The following PRPF40B variants were observed in gnomAD, a reference collection of about 807,000 sequenced individuals.
PRPF40B encodes pre-mRNA-processing factor 40 homolog B.
A neutral mutation model predicts 124.5 loss-of-function variants in PRPF40B; 56 were observed. That is an observed-to-expected ratio of 0.45 (90% CI 0.36 to 0.56). PRPF40B has a LOEUF of 0.56. Ranked by LOEUF, PRPF40B falls within the 20% of genes least tolerant of loss-of-function variation. The pLI is 0.00. For missense variants in PRPF40B, 1,053 were observed against 1,169.5 expected (o/e 0.90, Z 1.45); for synonymous variants, 443 against 426.4 (o/e 1.04, Z -0.48).
In PRPF40B at chr12:49,643,965, C is replaced by T. The variant is rs139757720; in HGVS notation, c.2547C>T (p.Leu849=). The change falls in exon 25 of 26, where the codon CTC becomes CTT. Residue 849 remains leucine (L), a synonymous_variant. Coordinates refer to ENST00000548825, the MANE Select transcript of PRPF40B (RefSeq NM_001031698.3). ...ACAGGGAGCTCCAACAGGCAGAGCT[C>T]CCTAACCGTTCCCCAGGCTTTGGAA... ...DKDRELQQAE[L]PNRSPGFGIK... 1.7e-3 allele frequency: 2,779 copies of T among 1,614,146 alleles called. 1 individual carries two copies. The highest frequency in any genetic ancestry group is 2.2e-3 in the Non-Finnish European group (2,655 of 1,180,030).
rs773377400 is a variant in PRPF40B at position 49,643,415 on chromosome 12, G to A, written c.2380+18G>A. The A allele has an allele frequency of 6.5e-7, 1 of 1,536,482 alleles. No individual in the cohort carries two copies. Among genetic ancestry groups the A allele is most frequent in the Non-Finnish European group, 8.7e-7 (1 of 1,144,370 alleles). ...TGGAGCAGGTAAGCAGTTGCTGTGA[G>A]CGTAGAAGCTGGAGAACTGTTGTCC... On this transcript the variant is annotated intron_variant, in intron 23 of 25. Coordinates refer to ENST00000548825, the MANE Select transcript of PRPF40B (RefSeq NM_001031698.3).
At position 49,642,753 on chromosome 12, in the gene PRPF40B, TCCCTCTTA is replaced by T. The variant is rs2138656516; in HGVS notation, c.2118+83_2118+90del. On this transcript the variant is annotated intron_variant, in intron 21 of 25. Coordinates refer to ENST00000548825, the MANE Select transcript of PRPF40B (RefSeq NM_001031698.3). The surrounding 1 kb of genome is among the most constrained non-coding windows in gnomAD (Gnocchi z 5.8). ...CAGTTCAACAGAGACCTCAGTGGCC[TCCCTCTTA>T]CCCTTAGGGCACTCCTGGCCAGCTA... The T allele has an allele frequency of 1.3e-6, 2 of 1,508,020 alleles. No homozygotes were observed. Among genetic ancestry groups the T allele is most frequent in the South Asian group, 2.4e-5 (2 of 84,102 alleles). The allele number at this position is 1,508,020 out of a possible 1,614,324, so 93.4% of individuals were successfully genotyped here.
intron 1 of PRPF40B, chr12:49,623,904 A>C: frequency 1.8e-6 from 2 of 1,140,166 alleles, no homozygotes; most frequent in East Asian, 4.3e-5. Context: ...AAGAAGAGAG[A>C]GGGCGGAGAT....
chr12:49,634,726 T>C, intron 12 of PRPF40B, 124 bp downstream of exon 12: 1 of 1,267,934 alleles, frequency 7.9e-7, no homozygotes, highest in Non-Finnish European at 1.1e-6. Flanking sequence ...ATAGATTGGG[T>C]TGGGGTGCAA....
Position 49,635,008 on chromosome 12 carries a change from C to A in PRPF40B, c.1002-91C>A, listed in dbSNP as rs1191469836. ...ATCTGTGCCCTTGGAGCCCCTGCAG[C>A]CTGCAGTGTCTCATGACCCTCCAGT... On this transcript the variant is annotated intron_variant, in intron 12 of 25. Transcript: ENST00000548825. The surrounding 1 kb of genome is among the most constrained non-coding windows in gnomAD (Gnocchi z 4.1). The A allele has an allele frequency of 1.5e-6, 2 of 1,324,104 alleles. No individual in the cohort carries two copies. The highest frequency in any genetic ancestry group is 2.1e-6 in the Non-Finnish European group (2 of 968,796). The allele number at this position is 1,324,104 out of a possible 1,614,324, so 82.0% of individuals were successfully genotyped here.
Position 49,642,008 on chromosome 12 carries a change from A to C in PRPF40B, c.1868A>C (p.Lys623Thr). The C allele has an allele frequency of 6.2e-7, 1 of 1,613,104 alleles. No individual in the cohort carries two copies. The highest frequency in any genetic ancestry group is 8.5e-7 in the Non-Finnish European group (1 of 1,180,012). Residue 623 changes from lysine to threonine, a missense_variant, in exon 19 of 26, where the codon AAG (lysine) becomes ACG (threonine). Coordinates refer to ENST00000548825, the MANE Select transcript of PRPF40B (RefSeq NM_001031698.3). The surrounding 1 kb of genome is among the most constrained non-coding windows in gnomAD (Gnocchi z 5.8). ...RAAALDAGNIKLTFNSLLEKA... is the reference protein window; with the variant it reads ...RAAALDAGNITLTFNSLLEKA... Reference sequence around the variant, plus strand: ...GCCGCACTGGACGCAGGCAACATCAAGCTGACCTTCAATAGTGTGAGGGGC... The same window carrying C: ...GCCGCACTGGACGCAGGCAACATCACGCTGACCTTCAATAGTGTGAGGGGC...
intron 18 of PRPF40B, 31 bp from the exon 19 acceptor site, chr12:49,641,877 G>A (rs1043793356): frequency 6.3e-7 from 1 of 1,595,950 alleles, no homozygotes; most frequent in Non-Finnish European, 8.6e-7. Flanking sequence ...GGCACGTGGT[G>A]CCCCTGCTTC....
intron 15 of PRPF40B, 101 bp from the exon 16 acceptor site, chr12:49,636,615 C>T (rs1053520721): frequency 6.1e-5 from 94 of 1,541,404 alleles, no homozygotes; most frequent in Non-Finnish European, 8.0e-5. Context: ...CTGGGTATCC[C>T]TAGCACCTGT....
At position 49,635,508 on chromosome 12, in the gene PRPF40B, T is replaced by G; in HGVS notation, c.1275+35T>G. 1 of 1,572,962 alleles carries G rather than the reference T, an allele frequency of 6.4e-7. No individual in the cohort carries two copies. Among genetic ancestry groups the G allele is most frequent in the Non-Finnish European group, 8.7e-7 (1 of 1,152,712 alleles). On this transcript the variant is annotated intron_variant, in intron 14 of 25. Coordinates refer to ENST00000548825, the MANE Select transcript of PRPF40B (RefSeq NM_001031698.3). The surrounding 1 kb of genome is among the most constrained non-coding windows in gnomAD (Gnocchi z 4.1). ...CCTGGGCAGAATCCTTCAGCCCATC[T>G]CATCCTGGACTTTCCTTGTCTTTGC...
intron 24 of PRPF40B, 50 bp from the exon 25 acceptor site, chr12:49,643,811 C>T: frequency 6.2e-7 from 1 of 1,613,876 alleles, no homozygotes; most frequent in Non-Finnish European, 8.5e-7. Flanking sequence ...TTCTACCTGC[C>T]TCCCAGGCTA....
At position 49,633,672 on chromosome 12, in the gene PRPF40B, T is replaced by C. The variant is rs1941464666; in HGVS notation, c.605+11T>C. ...ACAAGAGGCTGCAGGGTGAGTGACT[T>C]GCCCACCTATCCATTTATAGTTGGG... On this transcript the variant is annotated intron_variant, in intron 9 of 25. Transcript: ENST00000548825. The C allele has an allele frequency of 6.2e-7, 1 of 1,614,180 alleles. No homozygotes were observed. The highest frequency in any genetic ancestry group is 1.1e-5 in the South Asian group (1 of 91,084).
intron 16 of PRPF40B, 135 bp from the exon 17 acceptor site, chr12:49,637,335 C>T (rs1941964444): frequency 1.6e-6 from 1 of 637,586 alleles, no homozygotes; most frequent in Non-Finnish European, 2.8e-6. Flanking sequence ...ATCTCTTCAT[C>T]TCTGCCTCTC....
At chr12:49,632,507 G>T in intron 4 of PRPF40B, 89 bp from the exon 5 acceptor site, 1 of 1,373,816 alleles carries the variant, frequency 7.3e-7, no homozygotes, top group Non-Finnish European at 1.0e-6. Context: ...ATGGATTCTG[G>T]CCTGGCCTGC....
chr12:49,634,498 A>T, intron 11 of PRPF40B, 40 bp from the exon 12 acceptor site: 4 of 1,614,162 alleles, frequency 2.5e-6, no homozygotes, highest in Non-Finnish European at 3.4e-6. Context: ...AGGGGGCTGG[A>T]GCGGGGCAGG....
At chr12:49,627,448 T>A (rs560803292) in intron 1 of PRPF40B, among the ~76,000 whole-genome samples, 2 of 152,086 alleles carry the variant, frequency 1.3e-5, no homozygotes. Context: ...CGTGAAGAAA[T>A]GATTGGTAGA....
At position 49,631,373 on chromosome 12, in the gene PRPF40B, C is replaced by A; in HGVS notation, c.85-28C>A. On this transcript the variant is annotated intron_variant, in intron 2 of 25. Transcript: ENST00000548825. The surrounding 1 kb of genome is among the most constrained non-coding windows in gnomAD (Gnocchi z 4.3). ...CTGACAAGGCGATGTCTTCCCTGCTCAGTATCTCTTCCTTTACTCATTTCC... is the reference window on the plus strand; with the variant it reads ...CTGACAAGGCGATGTCTTCCCTGCTAAGTATCTCTTCCTTTACTCATTTCC... The A allele has an allele frequency of 6.7e-7, 1 of 1,491,830 alleles. No homozygotes were observed. The allele number at this position is 1,491,830 out of a possible 1,614,324, so 92.4% of individuals were successfully genotyped here.
intron 1 of PRPF40B, chr12:49,623,960 T>G: frequency 9.2e-7 from 1 of 1,081,878 alleles, no homozygotes; most frequent in Non-Finnish European, 1.1e-6. Flanking sequence ...CAGTTTCCCC[T>G]CCTGGGATAT....
Position 49,644,343 on chromosome 12 carries a change from A to C in PRPF40B, c.*151A>C. 1.3e-4 allele frequency: 114 copies of C among 875,238 alleles called. No homozygotes were observed. The highest frequency in any genetic ancestry group is 1.9e-4 in the Non-Finnish European group (106 of 557,654). 54.2% of individuals were successfully genotyped at this position (875,238 alleles called of 1,614,324 possible). ...CAGCACACCATTGTTGGCACCTCTC[A>C]AGGTTGCTCTTGGTGTTCAAGGGTC... On this transcript the variant is annotated 3_prime_UTR_variant, in exon 26 of 26. Coordinates refer to ENST00000548825, the MANE Select transcript of PRPF40B (RefSeq NM_001031698.3).
chr12:49,623,659 C>T, intron 1 of PRPF40B, 66 bp downstream of exon 1: 2 of 1,127,048 alleles, frequency 1.8e-6, no homozygotes, highest in Non-Finnish European at 2.2e-6. Context: ...CGGCCCGGGC[C>T]GTGGCCGATG....
Sources: allele counts gnomAD v4.1 joint callset (sites outside exome capture counted in the v4.1 genomes callset), GRCh38; gene constraint gnomAD v4.1.1; non-coding constraint Gnocchi (gnomAD v3.1); transcripts MANE v1.5; gene names NCBI Gene and HGNC (gene_info 2026-07-23, HGNC 2026-07-21).